The following PLA2G15 variants were observed in gnomAD, a reference collection of about 807,000 sequenced individuals.
PLA2G15 encodes lysosomal phospholipase A and acyltransferase.
PLA2G15 carries 20 observed loss-of-function variants against 40.9 expected under a neutral mutation model. The ratio of observed to expected loss-of-function variants is 0.49; its 90% CI spans 0.34 to 0.71. The LOEUF is 0.71. PLA2G15 is among the 30% of genes least tolerant of loss of function. The pLI is 0.01. For synonymous variants in PLA2G15, 223 were observed against 228.2 expected (o/e 0.98, Z 0.21); for missense variants, 471 against 541.9 (o/e 0.87, Z 1.30).
chr16:68,248,620 C>T, intron 1 of PLA2G15: 1 of 363,874 alleles, frequency 2.7e-6, no homozygotes, highest in Non-Finnish European at 4.2e-6. Context: ...CTCCTGACCG[C>T]AAGTGATCCA....
rs1366336288 is a variant in PLA2G15 at position 68,245,465 on chromosome 16, C to T, written c.39C>T (p.Leu13=). Residue 13 remains leucine, a synonymous_variant, in exon 1 of 6, where the codon CTC becomes CTT. Transcript: ENST00000219345. ...LHLRPYRVGL[L]PDGLLFLLLL... Reference sequence around the variant, plus strand: ...TCCGCCCCTACCGTGTGGGGCTGCTCCCGGATGGCCTCCTGTTCCTCTTGC... The same window carrying T: ...TCCGCCCCTACCGTGTGGGGCTGCTTCCGGATGGCCTCCTGTTCCTCTTGC... The T allele has an allele frequency of 6.2e-7, 1 of 1,606,532 alleles. No homozygotes were observed. The highest frequency in any genetic ancestry group is 1.7e-5 in the Admixed American group (1 of 59,994).
At position 68,245,553 on chromosome 16, in the gene PLA2G15, G is replaced by C. The variant is rs1314420427; in HGVS notation, c.127G>C (p.Val43Leu). The C allele has an allele frequency of 1.9e-6, 3 of 1,574,266 alleles. No homozygotes were observed. The South Asian group carries it at 3.4e-5, about 18-fold the overall frequency. The change falls in exon 1 of 6, where the codon GTC becomes CTC. Residue 43 changes from valine (V) to leucine (L), a missense_variant and splice_region_variant. Transcript: ENST00000219345. The part of the protein sequence containing the change: ...PAGRHPPVVL[V>L]PGDLGNQLEA... Reference sequence around the variant, plus strand: ...CGGACGTCACCCCCCAGTGGTGCTGGGTGAGGCACGGGTCTCGTGGTGGAT... The same window carrying C: ...CGGACGTCACCCCCCAGTGGTGCTGCGTGAGGCACGGGTCTCGTGGTGGAT...
At chr16:68,252,463 G>A in intron 2 of PLA2G15, 5 of 440,646 alleles carry the variant, frequency 1.1e-5, no homozygotes, top group South Asian at 8.0e-5. Context: ...CTGGTATAAG[G>A]TGTCTCCCCT....
At chr16:68,251,518 A>G (rs1229511037) in intron 2 of PLA2G15, among the ~76,000 whole-genome samples, 1 of 152,096 alleles carries the variant, frequency 6.6e-6, no homozygotes, top group Non-Finnish European at 1.5e-5. Context: ...TGTCTCTACT[A>G]AAAATGCAAA....
chr16:68,248,896 G>T (rs1374807375), intron 1 of PLA2G15, among the ~76,000 whole-genome samples: 1 of 152,204 alleles, frequency 6.6e-6, no homozygotes, highest in Non-Finnish European at 1.5e-5. Flanking sequence ...CTAGTGTGGG[G>T]AGTGACTTCA....
chr16:68,258,201 C>T (rs535313845), intron 5 of PLA2G15, among the ~76,000 whole-genome samples: 7 of 152,362 alleles, frequency 4.6e-5, no homozygotes, highest in South Asian at 2.1e-4. Flanking sequence ...AGCCTCCCCT[C>T]GTGCCCTGTC....
Position 68,259,766 on chromosome 16 carries a change from C to A in PLA2G15, c.*109C>A. ...GTTTGTGACTCACCATTCAAGGCCC[C>A]GAGTCTTGGACTGTGAAGCATCTGC... is the stretch of plus-strand genomic sequence containing the variant. On this transcript the variant is annotated 3_prime_UTR_variant, in exon 6 of 6. Coordinates refer to ENST00000219345, the MANE Select transcript of PLA2G15 (RefSeq NM_012320.4). The surrounding 1 kb of genome is among the most constrained non-coding windows in gnomAD (Gnocchi z 6.5). The A allele has an allele frequency of 1.0e-6, 1 of 997,358 alleles. No homozygotes were observed. The highest frequency in any genetic ancestry group is 1.5e-6 in the Non-Finnish European group (1 of 676,858). The allele number at this position is 997,358 out of a possible 1,614,324, so 61.8% of individuals were successfully genotyped here.
intron 5 of PLA2G15, among the ~76,000 whole-genome samples, chr16:68,256,660 G>A (rs1460971639): frequency 6.6e-6 from 1 of 151,712 alleles, no homozygotes; most frequent in African/African-American, 2.4e-5. Flanking sequence ...ACAGGTGCCC[G>A]CCACCATGCC....
intron 2 of PLA2G15, among the ~76,000 whole-genome samples, chr16:68,251,513 C>T (rs1358142141): frequency 1.3e-5 from 2 of 152,040 alleles, no homozygotes; most frequent in African/African-American, 2.4e-5. Context: ...AACCCTGTCT[C>T]TACTAAAAAT....
chr16:68,255,269 T>C lies in PLA2G15; in HGVS notation c.404-13T>C. 1.3e-6 allele frequency: 2 copies of C among 1,592,472 alleles called. No homozygotes were observed. Among genetic ancestry groups the C allele is most frequent in the Middle Eastern group, 1.7e-4 (1 of 6,032 alleles). On this transcript the variant is annotated splice_polypyrimidine_tract_variant and intron_variant, in intron 3 of 5. Transcript: ENST00000219345. The surrounding 1 kb of genome is among the most constrained non-coding windows in gnomAD (Gnocchi z 5.9). ...GCTGTATCTTTTCTTATCCTCTGTATTTCTGTCTACAGGTTCCTATTTCCA... is the reference window on the plus strand; with the variant it reads ...GCTGTATCTTTTCTTATCCTCTGTACTTCTGTCTACAGGTTCCTATTTCCA...
At chr16:68,251,181 G>A (rs1193985296) in intron 2 of PLA2G15, among the ~76,000 whole-genome samples, 1 of 151,842 alleles carries the variant, frequency 6.6e-6, no homozygotes, top group Non-Finnish European at 1.5e-5. Context: ...GGCTCAATGA[G>A]GTTACAAAAT....
rs1281022118 is a variant in PLA2G15 at position 68,259,048 on chromosome 16, G to A, written c.728-98G>A. 3.2e-6 allele frequency: 3 copies of A among 928,316 alleles called. No individual in the cohort carries two copies. Among genetic ancestry groups the A allele is most frequent in the Non-Finnish European group, 5.0e-6 (3 of 603,730 alleles). 57.5% of individuals were successfully genotyped at this position (928,316 alleles called of 1,614,324 possible). A position where few individuals can be genotyped will look rare whatever the true frequency, so the allele number is the denominator to read the frequency against. ...GGTAGAGATGCGGGACTGTGGACTG[G>A]GCCCCTGGCTGGGGTCTGGCAGGGG... On this transcript the variant is annotated intron_variant, in intron 5 of 5. Coordinates refer to ENST00000219345, the MANE Select transcript of PLA2G15 (RefSeq NM_012320.4). The surrounding 1 kb of genome is among the most constrained non-coding windows in gnomAD (Gnocchi z 6.5).
chr16:68,256,063 C>T (rs1424899747), intron 5 of PLA2G15, 73 bp downstream of exon 5: 2 of 973,578 alleles, frequency 2.1e-6, no homozygotes, highest in Non-Finnish European at 3.0e-6. Context: ...CCTAAGTGTC[C>T]TCCTGGGCCA....
chr16:68,259,168 C>T lies in PLA2G15; in HGVS notation c.750C>T (p.Val250=), dbSNP rs774347623. 6.2e-7 allele frequency: 1 copy of T among 1,613,182 alleles called. No homozygotes were observed. Among genetic ancestry groups the T allele is most frequent in the Admixed American group, 1.7e-5 (1 of 59,982 alleles). ...CAGGAGACAACAACCGGATCCCAGT[C>T]ATCGGGCCCCTGAAGATCCGGGAGC... ...LASGDNNRIP[V]IGPLKIREQQ... is the part of the protein sequence containing the mutation. The change falls in exon 6 of 6, where the codon GTC becomes GTT. Residue 250 remains valine, a synonymous_variant. Transcript: ENST00000219345. The surrounding 1 kb of genome is among the most constrained non-coding windows in gnomAD (Gnocchi z 6.5).
chr16:68,259,169 A>G lies in PLA2G15; in HGVS notation c.751A>G (p.Ile251Val), dbSNP rs1374052489. ...ASGDNNRIPV[I>V]GPLKIREQQR... ...AGGAGACAACAACCGGATCCCAGTC[A>G]TCGGGCCCCTGAAGATCCGGGAGCA... Residue 251 changes from isoleucine to valine, a missense_variant, in exon 6 of 6, where the codon ATC (isoleucine) becomes GTC (valine). Ile to Val is a conservative substitution (Grantham distance 29, BLOSUM62 3). Coordinates refer to ENST00000219345, the MANE Select transcript of PLA2G15 (RefSeq NM_012320.4). The surrounding 1 kb of genome is among the most constrained non-coding windows in gnomAD (Gnocchi z 6.5). 2 of 1,613,518 alleles carry G rather than the reference A, an allele frequency of 1.2e-6. No homozygotes were observed. Among genetic ancestry groups the G allele is most frequent in the South Asian group, 1.1e-5 (1 of 91,056 alleles).
In PLA2G15 at chr16:68,259,493, G is replaced by A. The variant is rs1475168226; in HGVS notation, c.1075G>A (p.Gly359Ser). Residue 359 changes from glycine (G) to serine (S), a missense_variant, in exon 6 of 6, where the codon GGC becomes AGC. By Grantham distance (56) the Gly-to-Ser change is moderately conservative (BLOSUM62 0). Transcript: ENST00000219345. The surrounding 1 kb of genome is among the most constrained non-coding windows in gnomAD (Gnocchi z 6.5). Reference sequence around the variant, plus strand: ...TGACCCTAAAATCTGCTTTGGTGACGGCGATGGTACTGTGAACTTGAAGAG... The same window carrying A: ...TGACCCTAAAATCTGCTTTGGTGACAGCGATGGTACTGTGAACTTGAAGAG... ...DRDPKICFGDGDGTVNLKSAL... is the reference protein window; with the variant it reads ...DRDPKICFGDSDGTVNLKSAL... 3 of 1,613,158 alleles carry A rather than the reference G, an allele frequency of 1.9e-6. No homozygotes were observed. Among genetic ancestry groups the A allele is most frequent in the South Asian group, 1.1e-5 (1 of 91,088 alleles).
At chr16:68,252,573 G>A (rs1011990483) in intron 2 of PLA2G15, 5 of 455,906 alleles carry the variant, frequency 1.1e-5, no homozygotes, top group African/African-American at 8.0e-5. Flanking sequence ...GGCGGGGTCT[G>A]TCCTGTCTGG....
chr16:68,251,513 C>G (rs1358142141), intron 2 of PLA2G15, among the ~76,000 whole-genome samples: 1 of 152,040 alleles, frequency 6.6e-6, no homozygotes, highest in African/African-American at 2.4e-5. Flanking sequence ...AACCCTGTCT[C>G]TACTAAAAAT....
chr16:68,253,801 T>C (rs1010786098), intron 2 of PLA2G15, among the ~76,000 whole-genome samples: 1 of 151,004 alleles, frequency 6.6e-6, no homozygotes, highest in Non-Finnish European at 1.5e-5. Flanking sequence ...GTCATCCTCC[T>C]GCCTCAGCCT....
Sources: gnomAD v4.1 joint callset for allele counts (sites outside exome capture counted in the v4.1 genomes callset) on GRCh38, gnomAD v4.1.1 for gene constraint, Gnocchi (gnomAD v3.1) non-coding constraint, MANE v1.5 for transcripts, NCBI Gene and HGNC (gene_info 2026-07-23, HGNC 2026-07-21) for gene names.